SDK1: variants seen among roughly 807,000 people sequenced by gnomAD.
SDK1 encodes sidekick cell adhesion molecule 1, also known as protein sidekick-1.
SDK1 carries 157 observed loss-of-function variants against 245.5 expected under a neutral mutation model. The ratio of observed to expected loss-of-function variants is 0.64; its 90% confidence interval spans 0.56 to 0.73. SDK1 has a LOEUF of 0.73. Ranked by LOEUF, SDK1 falls within the 30% of genes least tolerant of loss-of-function variation. The pLI is 0.00. For synonymous variants in SDK1, 1,647 were observed against 1,278.5 expected (o/e 1.29, Z -6.15); for missense variants, 3,583 against 3,002.3 (o/e 1.19, Z -4.52).
chr7:3,818,314 A>G (rs1016393322), intron 4 of SDK1, among the ~76,000 whole-genome samples: 1 of 152,248 alleles, frequency 6.6e-6, no homozygotes, highest in South Asian at 2.1e-4. Context: ...TAATAAGGCC[A>G]GGTAATTCAT....
At chr7:3,794,502 G>A (rs1347698184) in intron 4 of SDK1, among the ~76,000 whole-genome samples, 2 of 152,164 alleles carry the variant, frequency 1.3e-5, no homozygotes, top group African/African-American at 4.8e-5. Flanking sequence ...GGTCATGAAG[G>A]CTCATGGATT....
At chr7:4,007,981 C>G (rs1303138871) in intron 14 of SDK1, among the ~76,000 whole-genome samples, 7 of 152,192 alleles carry the variant, frequency 4.6e-5, no homozygotes, top group Admixed American at 3.9e-4. Flanking sequence ...CACATTCACA[C>G]TGTTCTGCCA....
intron 22 of SDK1, among the ~76,000 whole-genome samples, chr7:4,089,956 C>T (rs1781681896): frequency 1.3e-5 from 2 of 152,180 alleles, no homozygotes; most frequent in East Asian, 3.9e-4. Flanking sequence ...GTGACCTTGA[C>T]AATTTTGAAG....
chr7:4,043,983 C>T (rs1306895687), intron 17 of SDK1, among the ~76,000 whole-genome samples: 1 of 152,122 alleles, frequency 6.6e-6, no homozygotes, highest in East Asian at 1.9e-4. Flanking sequence ...CTCCTTCCTC[C>T]TCTTGTGTTT....
At chr7:3,953,215 A>G (rs1780973576) in intron 7 of SDK1, among the ~76,000 whole-genome samples, 1 of 152,246 alleles carries the variant, frequency 6.6e-6, no homozygotes, top group South Asian at 2.1e-4. Flanking sequence ...CTAGCAAGAA[A>G]AGGAATACTG....
At chr7:3,304,101 G>C (rs1779353645) in intron 1 of SDK1, among the ~76,000 whole-genome samples, 1 of 152,170 alleles carries the variant, frequency 6.6e-6, no homozygotes, top group African/African-American at 2.4e-5. Context: ...TATAACCTAG[G>C]TTACAGACCC....
chr7:3,346,112 C>A (rs1476171093), intron 1 of SDK1, among the ~76,000 whole-genome samples: 1 of 152,180 alleles, frequency 6.6e-6, no homozygotes, highest in African/African-American at 2.4e-5. Flanking sequence ...ATACTGCATC[C>A]TCTTCTGCTT....
At chr7:3,966,990 C>G (rs1344603641) in intron 9 of SDK1, among the ~76,000 whole-genome samples, 1 of 152,206 alleles carries the variant, frequency 6.6e-6, no homozygotes, top group East Asian at 1.9e-4. Flanking sequence ...ATTTAAAGAA[C>G]AAAAGCAGTC....
intron 35 of SDK1, among the ~76,000 whole-genome samples, chr7:4,201,141 G>A (rs367564779): frequency 6.6e-6 from 1 of 152,196 alleles, no homozygotes; most frequent in Non-Finnish European, 1.5e-5. Context: ...CTCAGGCTCT[G>A]CTGCTGGCTT....
At chr7:4,095,805 C>G (rs1463641766) in intron 22 of SDK1, among the ~76,000 whole-genome samples, 1 of 152,192 alleles carries the variant, frequency 6.6e-6, no homozygotes, top group South Asian at 2.1e-4. Context: ...AACTTTTGAC[C>G]TCAGGTGATC....
intron 1 of SDK1, among the ~76,000 whole-genome samples, chr7:3,531,241 A>G (rs1008469534): frequency 4.6e-5 from 7 of 152,160 alleles, no homozygotes; most frequent in Non-Finnish European, 7.4e-5. Context: ...CACATCGAGC[A>G]TATTTGGGGT....
At chr7:3,504,428 A>G (rs146411120) in intron 1 of SDK1, among the ~76,000 whole-genome samples, 5 of 152,232 alleles carry the variant, frequency 3.3e-5, no homozygotes, top group Non-Finnish European at 4.4e-5. Context: ...TAAAGCTACT[A>G]TAATCAAGAT....
At chr7:4,199,913 A>G (rs926374109) in intron 35 of SDK1, among the ~76,000 whole-genome samples, 2 of 152,174 alleles carry the variant, frequency 1.3e-5, no homozygotes, top group Non-Finnish European at 2.9e-5. Flanking sequence ...ACACCTGCCA[A>G]TAAAAACCCC....
chr7:3,745,542 G>T (rs961329450), intron 4 of SDK1, among the ~76,000 whole-genome samples: 6 of 152,046 alleles, frequency 3.9e-5, no homozygotes, highest in Middle Eastern at 3.2e-3. Flanking sequence ...TTGCATGTGT[G>T]TGTGTGTGTG....
At chr7:3,591,076 T>C (rs1182909717) in intron 1 of SDK1, among the ~76,000 whole-genome samples, 2 of 152,238 alleles carry the variant, frequency 1.3e-5, no homozygotes, top group African/African-American at 4.8e-5. Context: ...AATCATTCTT[T>C]AATCATATTA....
chr7:3,688,076 A>C (rs934081250), intron 4 of SDK1, among the ~76,000 whole-genome samples: 13 of 152,248 alleles, frequency 8.5e-5, no homozygotes, highest in Non-Finnish European at 1.5e-5. Context: ...TAGGGAAGCC[A>C]GTGTACTAAG....
chr7:3,571,486 G>T (rs566972832), intron 1 of SDK1, among the ~76,000 whole-genome samples: 30 of 151,842 alleles, frequency 2.0e-4, no homozygotes, highest in Admixed American at 1.4e-3. Context: ...AATTTTTTTT[G>T]TACAGACAGG....
intron 1 of SDK1, among the ~76,000 whole-genome samples, chr7:3,418,728 G>C (rs773080327): frequency 1.3e-5 from 2 of 152,186 alleles, no homozygotes; most frequent in Non-Finnish European, 2.9e-5. Context: ...CTGTTACATA[G>C]TCCAGGATGT....
intron 1 of SDK1, among the ~76,000 whole-genome samples, chr7:3,509,749 C>T (rs1019722026): frequency 2.6e-5 from 4 of 152,142 alleles, no homozygotes; most frequent in South Asian, 2.1e-4. Context: ...TTTCTACCTT[C>T]GGCCCTGCAG....
Sources: allele counts gnomAD v4.1 joint callset (sites outside exome capture counted in the v4.1 genomes callset), GRCh38; gene constraint gnomAD v4.1.1; transcripts MANE v1.5; gene names NCBI Gene and HGNC (gene_info 2026-07-23, HGNC 2026-07-21).